COL23A1: variants seen among roughly 807,000 people sequenced by gnomAD.
The protein encoded by COL23A1 is collagen type XXIII alpha 1 chain.
In COL23A1, 97 loss-of-function variants were observed where a neutral mutation model predicts 99.3. The ratio of observed to expected loss-of-function variants is 0.98; its 90% CI spans 0.83 to 1.16. The LOEUF is 1.16. Ranked by LOEUF, COL23A1 falls within the 50% of genes most tolerant of loss-of-function variation. The pLI, the probability that COL23A1 is intolerant of heterozygous loss-of-function variation, is 0.00. For missense variants in COL23A1, 762 were observed against 757.4 expected (o/e 1.01, Z -0.07); for synonymous variants, 320 against 308.2 (o/e 1.04, Z -0.40).
At chr5:178,287,322 A>G (rs1757210673) in intron 5 of COL23A1, among the ~76,000 whole-genome samples, 1 of 152,234 alleles carries the variant, frequency 6.6e-6, no homozygotes, top group Non-Finnish European at 1.5e-5. Flanking sequence ...GACTCAGCCC[A>G]GCACGGGGCC....
intron 3 of COL23A1, among the ~76,000 whole-genome samples, chr5:178,298,838 A>C (rs1049106850): frequency 1.3e-5 from 2 of 152,184 alleles, no homozygotes; most frequent in African/African-American, 4.8e-5. Context: ...TGGGATTACA[A>C]AGTGAGCCAC....
intron 8 of COL23A1, among the ~76,000 whole-genome samples, chr5:178,263,860 C>T (rs904647659): frequency 3.9e-5 from 6 of 152,196 alleles, no homozygotes; most frequent in Non-Finnish European, 7.3e-5. Flanking sequence ...CATCATGGAA[C>T]ACAACTCAGC....
chr5:178,246,167 T>G, intron 24 of COL23A1, 87 bp downstream of exon 24: 3 of 838,664 alleles, frequency 3.6e-6, no homozygotes, highest in Non-Finnish European at 4.9e-6. Context: ...AGGGACCCAG[T>G]GAGGTACAGG....
At chr5:178,343,447 A>C (rs2127665629) in intron 2 of COL23A1, among the ~76,000 whole-genome samples, 1 of 152,344 alleles carries the variant, frequency 6.6e-6, no homozygotes, top group East Asian at 1.9e-4. Flanking sequence ...ACTTGTCGGT[A>C]AAAAGGCAAA....
At chr5:178,333,102 C>T (rs969177557) in intron 2 of COL23A1, among the ~76,000 whole-genome samples, 5 of 152,046 alleles carry the variant, frequency 3.3e-5, no homozygotes, top group Admixed American at 6.5e-5. Context: ...GGACTACAGG[C>T]GCCTGCCACC....
chr5:178,502,046 T>C (rs1428945080), intron 2 of COL23A1, among the ~76,000 whole-genome samples: 1 of 152,200 alleles, frequency 6.6e-6, no homozygotes, highest in Non-Finnish European at 1.5e-5. Flanking sequence ...GAAAAGAAGA[T>C]AAGAATCACG....
At chr5:178,291,598 G>GT (rs915917429) in intron 3 of COL23A1, among the ~76,000 whole-genome samples, 161 of 151,484 alleles carry the variant, frequency 1.1e-3, no homozygotes, top group African/African-American at 3.7e-3. Flanking sequence ...AAGCCCGGGG[G>GT]TTTGTTTCCA....
chr5:178,481,510 C>A (rs749347845), intron 2 of COL23A1, among the ~76,000 whole-genome samples: 1 of 151,968 alleles, frequency 6.6e-6, no homozygotes, highest in Non-Finnish European at 1.5e-5. Context: ...TCTGACAACT[C>A]AATAACAAAA....
In COL23A1 at chr5:178,308,956, A is replaced by G. The variant is rs899937044; in HGVS notation, c.362-2037T>C. 1.3e-5 allele frequency among the ~76,000 whole-genome samples: 2 copies of G among 152,164 alleles called. No individual in the cohort carries two copies. The highest frequency in any genetic ancestry group is 2.9e-5 in the Non-Finnish European group (2 of 68,024). On this transcript the variant is annotated intron_variant, in intron 2 of 28. Coordinates refer to ENST00000390654, the MANE Select transcript of COL23A1 (RefSeq NM_173465.4). The surrounding 1 kb of genome is among the most constrained non-coding windows in gnomAD (Gnocchi z 5.1). ...GAAGAAGGCCCAGTGGCCACCCACA[A>G]AGCTTCGGGGCTCTTGCCAGGCCTC...
chr5:178,267,421 A>G, intron 7 of COL23A1, 88 bp from the exon 8 acceptor site: 1 of 1,346,046 alleles, frequency 7.4e-7, no homozygotes, highest in Admixed American at 2.1e-5. Flanking sequence ...AGTGCTTCAT[A>G]GACATGGTAT....
chr5:178,262,174 T>C (rs1417960676), intron 10 of COL23A1, 43 bp downstream of exon 10: 4 of 1,561,754 alleles, frequency 2.6e-6, no homozygotes, highest in African/African-American at 2.7e-5. Flanking sequence ...CTGGGAACCA[T>C]GATCCTAGCA....
At chr5:178,271,848 G>A (rs1163242917) in intron 5 of COL23A1, among the ~76,000 whole-genome samples, 1 of 152,218 alleles carries the variant, frequency 6.6e-6, no homozygotes, top group South Asian at 2.1e-4. Context: ...AAAGAGAGCA[G>A]CCTGGCCAAG....
intron 2 of COL23A1, among the ~76,000 whole-genome samples, chr5:178,427,820 T>C (rs1247127718): frequency 1.3e-5 from 2 of 152,058 alleles, no homozygotes; most frequent in Non-Finnish European, 2.9e-5. Flanking sequence ...GGATGAATAG[T>C]TGGAGCACGG....
At position 178,255,447 on chromosome 5, in the gene COL23A1, C is replaced by T. The variant is rs1005023978; in HGVS notation, c.883-421G>A. 1.3e-5 allele frequency among the ~76,000 whole-genome samples: 2 copies of T among 152,218 alleles called. No individual in the cohort carries two copies. The highest frequency in any genetic ancestry group is 1.3e-4 in the Admixed American group (2 of 15,280). ...CCCAGCCTCTGGGAGCGGCTGCACA[C>T]GCCAAGCACCCACACGCCTATTCCC... On this transcript the variant is annotated intron_variant, in intron 15 of 28. Coordinates refer to ENST00000390654, the MANE Select transcript of COL23A1 (RefSeq NM_173465.4). This position sits in a 1 kb window ranked among gnomAD's most constrained non-coding sequence, Gnocchi z 4.2.
Position 178,392,118 on chromosome 5 carries a change from ATT to A in COL23A1, c.362-85201_362-85200del, listed in dbSNP as rs57353104. Reference sequence around the variant, plus strand: ...GTGGCTAGTAATAGGAGTGTCTGCTATTTTTTTTTTTTTTTTTTGGTTGATGA... The same window carrying A: ...GTGGCTAGTAATAGGAGTGTCTGCTATTTTTTTTTTTTTTTTGGTTGATGA... On this transcript the variant is annotated intron_variant, in intron 2 of 28. Transcript: ENST00000390654. Among the ~76,000 whole-genome samples the A allele has an allele frequency of 5.3e-3, 720 of 137,118 alleles. 3 individuals carry two copies. The highest frequency in any genetic ancestry group is 0.016 in the African/African-American group (594 of 37,336). 90.0% of individuals were successfully genotyped at this position (137,118 alleles called of 152,430 possible).
At chr5:178,562,133 T>G in intron 1 of COL23A1, 1 of 514,618 alleles carries the variant, frequency 1.9e-6, no homozygotes, top group South Asian at 1.6e-5. Flanking sequence ...TCCCAGCTGC[T>G]TGGGAGACTG....
chr5:178,536,784 G>A (rs892391469), intron 2 of COL23A1, among the ~76,000 whole-genome samples: 1 of 152,236 alleles, frequency 6.6e-6, no homozygotes, highest in Non-Finnish European at 1.5e-5. Flanking sequence ...GTTTCCCGGG[G>A]AGGTGGGGCA....
chr5:178,267,540 A>G (rs1475298331), intron 7 of COL23A1, among the ~76,000 whole-genome samples: 2 of 152,126 alleles, frequency 1.3e-5, no homozygotes, highest in African/African-American at 4.8e-5. Context: ...CACAGCTAGC[A>G]GATCCAGGAC....
chr5:178,261,752 G>T lies in COL23A1; in HGVS notation c.676-4C>A. On this transcript the variant is annotated splice_region_variant and splice_polypyrimidine_tract_variant and intron_variant, in intron 10 of 28. Coordinates refer to ENST00000390654, the MANE Select transcript of COL23A1 (RefSeq NM_173465.4). The stretch of plus-strand genomic sequence containing the variant: ...GCCCTGGGGGTCCCTTTGGGCCCTG[G>T]AACAAGAGAAGAGAAGGTGTTAAAT... The T allele has an allele frequency of 1.2e-6, 2 of 1,606,398 alleles. No individual in the cohort carries two copies. The highest frequency in any genetic ancestry group is 1.7e-6 in the Non-Finnish European group (2 of 1,172,884).
Sources: allele counts gnomAD v4.1 joint callset (sites outside exome capture counted in the v4.1 genomes callset), GRCh38; gene constraint gnomAD v4.1.1; non-coding constraint Gnocchi (gnomAD v3.1); transcripts MANE v1.5; gene names NCBI Gene and HGNC (gene_info 2026-07-23, HGNC 2026-07-21).